Variants in NRXN1 observed in about 807,000 individuals in gnomAD.
NRXN1 encodes neurexin 1, also known as neurexin-1.
NRXN1 carries 39 observed loss-of-function variants against 150.9 expected under a neutral mutation model. That is an observed-to-expected ratio of 0.26 (90% confidence interval 0.20 to 0.34). The LOEUF is 0.34. Among genes scored for constraint, NRXN1 ranks in the 10% least tolerant of loss-of-function variants. NRXN1 has a pLI of 1.00. For synonymous variants in NRXN1, 924 were observed against 757.0 expected, an observed-to-expected ratio of 1.22 and a Z score of -3.62; for missense variants, 1,815 against 1,949.9, an observed-to-expected ratio of 0.93 and a Z score of 1.30.
intron 5 of NRXN1, among the ~76,000 whole-genome samples, chr2:50,723,998 G>T (rs1405301641): frequency 6.6e-6 from 1 of 152,094 alleles, no homozygotes; most frequent in Non-Finnish European, 1.5e-5. Flanking sequence ...TCTCTAATTT[G>T]TTTGGTAGAT....
intron 18 of NRXN1, among the ~76,000 whole-genome samples, chr2:50,219,383 ACAGT>A (rs1017162011): frequency 2.0e-5 from 3 of 151,422 alleles, no homozygotes; most frequent in South Asian, 2.1e-4. Context: ...GAGCTCTTAG[ACAGT>A]CAGAACATGA....
chr2:50,626,842 A>ACT (rs1285108971), intron 5 of NRXN1, among the ~76,000 whole-genome samples: 1 of 151,940 alleles, frequency 6.6e-6, no homozygotes, highest in African/African-American at 2.4e-5. Context: ...ACTTCCTATT[A>ACT]ATCAACAAAG....
chr2:50,394,064 G>A (rs13421278), intron 17 of NRXN1, among the ~76,000 whole-genome samples: 33,090 of 151,800 alleles, frequency 0.22, 4,106 homozygotes, highest in East Asian at 0.43. Flanking sequence ...ATTTTTCTTA[G>A]CTTGCTGACC....
At chr2:50,253,199 T>C (rs2067331567) in intron 17 of NRXN1, among the ~76,000 whole-genome samples, 1 of 152,180 alleles carries the variant, frequency 6.6e-6, no homozygotes, top group African/African-American at 2.4e-5. Context: ...CATTCACGAT[T>C]TGACTCTCTC....
At chr2:50,275,670 T>C (rs1310396731) in intron 17 of NRXN1, among the ~76,000 whole-genome samples, 1 of 152,190 alleles carries the variant, frequency 6.6e-6, no homozygotes, top group East Asian at 1.9e-4. Flanking sequence ...ATTCATTGAG[T>C]CCCTTCTAAT....
chr2:51,028,325 G>C lies in NRXN1; in HGVS notation c.-52C>G. 1 of 1,243,002 alleles carries C rather than the reference G, an allele frequency of 8.0e-7. No individual in the cohort carries two copies. The allele number at this position is 1,243,002 out of a possible 1,614,324, so 77.0% of individuals were successfully genotyped here. ...GTGCCGGGGCCGACAGGGTCAAAAT[G>C]GTCCTGGACACCGTGACGAAGAAAT... On this transcript the variant is annotated 5_prime_UTR_variant, in exon 2 of 23. Coordinates refer to ENST00000401669, the MANE Select transcript of NRXN1 (RefSeq NM_001330078.2).
At chr2:50,816,036 T>C (rs746387581) in intron 5 of NRXN1, among the ~76,000 whole-genome samples, 11 of 152,180 alleles carry the variant, frequency 7.2e-5, no homozygotes, top group Non-Finnish European at 1.0e-4. Flanking sequence ...AGATCTTAAG[T>C]ATAATTAGTG....
At chr2:50,452,967 G>T (rs2087139030) in intron 17 of NRXN1, among the ~76,000 whole-genome samples, 1 of 152,232 alleles carries the variant, frequency 6.6e-6, no homozygotes, top group South Asian at 2.1e-4. Context: ...TTTCAATATT[G>T]CCAGCCAATG....
At chr2:50,465,589 G>T in intron 16 of NRXN1, 28 bp from the exon 17 acceptor site, 1 of 1,575,060 alleles carries the variant, frequency 6.3e-7, no homozygotes, top group Non-Finnish European at 8.6e-7. Context: ...GGAAACTTGG[G>T]TTCTTTAAAA....
At chr2:50,267,959 G>T (rs2069096619) in intron 17 of NRXN1, among the ~76,000 whole-genome samples, 1 of 152,100 alleles carries the variant, frequency 6.6e-6, no homozygotes, top group African/African-American at 2.4e-5. Flanking sequence ...GGAGGCAGAG[G>T]CAGGTGGATT....
chr2:50,215,102 G>A (rs1221772828), intron 18 of NRXN1, among the ~76,000 whole-genome samples: 3 of 151,890 alleles, frequency 2.0e-5, no homozygotes, highest in African/African-American at 4.8e-5. Context: ...ATTCCTCTGA[G>A]AGTTGAATTA....
intron 22 of NRXN1, among the ~76,000 whole-genome samples, chr2:49,941,015 G>A (rs1367030130): frequency 6.6e-6 from 1 of 152,086 alleles, no homozygotes; most frequent in African/African-American, 2.4e-5. Context: ...GCTGTCGTTA[G>A]ATAGAATCAG....
intron 17 of NRXN1, among the ~76,000 whole-genome samples, chr2:50,281,442 T>C (rs968234030): frequency 6.6e-6 from 1 of 152,262 alleles, no homozygotes; most frequent in Admixed American, 6.5e-5. Flanking sequence ...CAAAACCCTC[T>C]GCTTGGATTC....
intron 17 of NRXN1, among the ~76,000 whole-genome samples, chr2:50,420,882 T>C (rs867708394): frequency 6.6e-6 from 1 of 151,784 alleles, no homozygotes; most frequent in East Asian, 1.9e-4. Context: ...TAATAATTAA[T>C]ACCAGTACAA....
In NRXN1 at chr2:50,187,676, C is replaced by T. The variant is rs144411458; in HGVS notation, c.3546+49113G>A. Reference sequence around the variant, plus strand: ...GGGATGGCATTGAATCTATACATTACCTTGGGCAGTATGGCCATTTTCGCA... The same window carrying T: ...GGGATGGCATTGAATCTATACATTATCTTGGGCAGTATGGCCATTTTCGCA... On this transcript the variant is annotated intron_variant, in intron 18 of 22. Transcript: ENST00000401669. 9.0e-3 allele frequency among the ~76,000 whole-genome samples: 1,375 copies of T among 152,156 alleles called. 21 individuals are homozygous for T. The highest frequency in any genetic ancestry group is 0.032 in the African/African-American group (1,309 of 41,530).
intron 17 of NRXN1, among the ~76,000 whole-genome samples, chr2:50,332,006 G>C (rs2076868184): frequency 6.6e-6 from 1 of 151,994 alleles, no homozygotes; most frequent in South Asian, 2.1e-4. Flanking sequence ...AACTCCTTAG[G>C]TGATTCTGAT....
chr2:50,393,796 A>G (rs2081891401), intron 17 of NRXN1, among the ~76,000 whole-genome samples: 1 of 152,082 alleles, frequency 6.6e-6, no homozygotes, highest in Admixed American at 6.6e-5. Flanking sequence ...GACACATACA[A>G]TTCCCAGGAA....
chr2:50,882,031 C>A (rs186643601), intron 5 of NRXN1, among the ~76,000 whole-genome samples: 197 of 151,718 alleles, frequency 1.3e-3, no homozygotes, highest in Non-Finnish European at 2.2e-3. Context: ...TTGTTCTTTG[C>A]AAATAACTAC....
At chr2:50,003,171 T>G (rs1684218002) in intron 21 of NRXN1, among the ~76,000 whole-genome samples, 1 of 152,102 alleles carries the variant, frequency 6.6e-6, no homozygotes, top group South Asian at 2.1e-4. Context: ...CAATATGGAA[T>G]AGGGTCCATA....
Sources: gnomAD v4.1 joint callset for allele counts (sites outside exome capture counted in the v4.1 genomes callset) on GRCh38, gnomAD v4.1.1 for gene constraint, MANE v1.5 for transcripts, NCBI Gene and HGNC (gene_info 2026-07-23, HGNC 2026-07-21) for gene names.